The following MEGF10 variants were observed in gnomAD, a reference collection of about 807,000 sequenced individuals.
MEGF10 encodes multiple EGF like domains 10.
Under a neutral mutation model 147.5 loss-of-function variants are expected in MEGF10, and 86 were observed. The observed-to-expected ratio is 0.58, with a 90% CI of 0.49 to 0.70. The LOEUF is 0.70. MEGF10 is among the 30% of genes least tolerant of loss of function. MEGF10 has a pLI of 0.00. For synonymous variants in MEGF10, 478 were observed against 525.5 expected (o/e 0.91, Z 1.24); for missense variants, 1,329 against 1,487.3 (o/e 0.89, Z 1.75).
the MEGF10 span, among the ~76,000 whole-genome samples, chr5:127,281,559 T>G: frequency 6.6e-6 from 1 of 152,148 alleles, no homozygotes; most frequent in South Asian, 2.1e-4. Flanking sequence ...GAATTGTGTG[T>G]ACATTGCTTC....
chr5:127,289,498 C>T (rs1759142334), upstream of MEGF10, among the ~76,000 whole-genome samples: 1 of 152,136 alleles, frequency 6.6e-6, no homozygotes, highest in Non-Finnish European at 1.5e-5. Flanking sequence ...GACCTTCCAC[C>T]CAGACTGCTG....
At chr5:127,354,341 CTGTT>C (rs1762198539) in intron 4 of MEGF10, among the ~76,000 whole-genome samples, 1 of 152,164 alleles carries the variant, frequency 6.6e-6, no homozygotes, top group Non-Finnish European at 1.5e-5. Flanking sequence ...GTCACAATAA[CTGTT>C]TGCCATATAA....
chr5:127,310,755 C>G (rs80318666), intron 1 of MEGF10, among the ~76,000 whole-genome samples: 3,481 of 151,950 alleles, frequency 0.023, 136 homozygotes, highest in African/African-American at 0.077. Flanking sequence ...TTGAAAATAG[C>G]CTCAATCATT....
chr5:127,425,434 C>G (rs1765177804), intron 13 of MEGF10, among the ~76,000 whole-genome samples: 1 of 152,144 alleles, frequency 6.6e-6, no homozygotes, highest in African/African-American at 2.4e-5. Context: ...CTAAGTTGCC[C>G]CAGTGTCTCA....
chr5:127,360,019 C>T (rs537207910), intron 4 of MEGF10, among the ~76,000 whole-genome samples: 4 of 152,128 alleles, frequency 2.6e-5, no homozygotes, highest in South Asian at 2.1e-4. Context: ...GGAGGAGAAT[C>T]GATATCTTAT....
rs1036130197 is a variant in MEGF10, at chr5:127,455,615, C to T, written c.3232+8C>T. The T allele has an allele frequency of 1.9e-6, 3 of 1,612,794 alleles. No homozygotes were observed. In the South Asian group the frequency reaches 3.3e-5, roughly 18 times the overall value. On this transcript the variant is annotated splice_region_variant and intron_variant, in intron 24 of 24. Coordinates refer to ENST00000503335, the MANE Select transcript of MEGF10 (RefSeq NM_001256545.2). The stretch of plus-strand genomic sequence containing the variant: ...GGAATGTCTATGAAGTTGGTGAGTT[C>T]CCTTAACCATAGAAAGAACCGAGTG...
At position 127,457,362 on chromosome 5, in the gene MEGF10, T is replaced by G. The variant is rs1372330273; in HGVS notation, c.*44T>G. On this transcript the variant is annotated 3_prime_UTR_variant, in exon 25 of 25. Coordinates refer to ENST00000503335, the MANE Select transcript of MEGF10 (RefSeq NM_001256545.2). Reference sequence around the variant, plus strand: ...TAGCCACTGGAACCCTTTCCAGAACTGCTGTTTGGTTCTTCTCCATCCTCA... The same window carrying G: ...TAGCCACTGGAACCCTTTCCAGAACGGCTGTTTGGTTCTTCTCCATCCTCA... 6.3e-7 allele frequency: 1 copy of G among 1,575,796 alleles called. No individual in the cohort carries two copies. Among genetic ancestry groups the G allele is most frequent in the Admixed American group, 1.8e-5 (1 of 55,622 alleles).
At chr5:127,439,220 A>G (rs56853109) in intron 17 of MEGF10, among the ~76,000 whole-genome samples, 10,411 of 152,204 alleles carry the variant, frequency 0.068, 1,201 homozygotes, top group African/African-American at 0.24. Flanking sequence ...GCATGATAGG[A>G]TATAGTGTGC....
the MEGF10 span, among the ~76,000 whole-genome samples, chr5:127,246,264 A>G: frequency 6.6e-6 from 1 of 152,218 alleles, no homozygotes; most frequent in African/African-American, 2.4e-5. Flanking sequence ...AACATAGACT[A>G]CTATGCAGCC....
chr5:127,304,929 G>T (rs1759945329), intron 1 of MEGF10, among the ~76,000 whole-genome samples: 1 of 152,136 alleles, frequency 6.6e-6, no homozygotes, highest in African/African-American at 2.4e-5. Flanking sequence ...AGAACCATAA[G>T]AAATAAATTT....
chr5:127,230,392 A>T, the MEGF10 span, among the ~76,000 whole-genome samples: 76,799 of 151,664 alleles, frequency 0.51, 19,907 homozygotes, highest in Middle Eastern at 0.59. Context: ...CATGGCGCTC[A>T]CCCTTTAAAT....
At chr5:127,341,751 C>T (rs1470876506) in intron 4 of MEGF10, among the ~76,000 whole-genome samples, 3 of 152,062 alleles carry the variant, frequency 2.0e-5, no homozygotes, top group African/African-American at 2.4e-5. Flanking sequence ...GAATATTTTT[C>T]CTGGTCAGTA....
the MEGF10 span, among the ~76,000 whole-genome samples, chr5:127,238,471 C>T: frequency 2.0e-5 from 3 of 152,196 alleles, no homozygotes; most frequent in African/African-American, 7.2e-5. Flanking sequence ...TCATTGACAG[C>T]TTGTGGTTGC....
chr5:127,367,139 A>T (rs1762686640), intron 4 of MEGF10, among the ~76,000 whole-genome samples: 1 of 152,224 alleles, frequency 6.6e-6, no homozygotes, highest in Non-Finnish European at 1.5e-5. Context: ...CCAAAGTTTA[A>T]TCTCCAGCTT....
At chr5:127,385,952 T>A (rs965225894) in intron 5 of MEGF10, among the ~76,000 whole-genome samples, 5 of 152,082 alleles carry the variant, frequency 3.3e-5, no homozygotes, top group African/African-American at 1.2e-4. Flanking sequence ...AAAATATTTT[T>A]AAAAAATCAT....
At chr5:127,297,902 T>C (rs1233084101) in intron 1 of MEGF10, among the ~76,000 whole-genome samples, 1 of 152,142 alleles carries the variant, frequency 6.6e-6, no homozygotes, top group Non-Finnish European at 1.5e-5. Context: ...TCAACCACTA[T>C]GGGATTCTTG....
At chr5:127,443,580 C>A (rs1580877733) in intron 19 of MEGF10, among the ~76,000 whole-genome samples, 2 of 152,256 alleles carry the variant, frequency 1.3e-5, no homozygotes, top group East Asian at 3.9e-4. Flanking sequence ...TTTCCTCATG[C>A]CCCTCCCTAC....
At chr5:127,443,151 A>T in intron 19 of MEGF10, 25 bp downstream of exon 19, 1 of 1,605,792 alleles carries the variant, frequency 6.2e-7, no homozygotes, top group Non-Finnish European at 8.5e-7. Flanking sequence ...TAATGTTTGT[A>T]GCACTGCAGT....
chr5:127,402,763 T>A, intron 8 of MEGF10, 81 bp downstream of exon 8: 1 of 1,461,848 alleles, frequency 6.8e-7, no homozygotes, highest in Non-Finnish European at 9.4e-7. Context: ...GCATCTTCAA[T>A]ACCATGTGTC....
Sources: allele counts gnomAD v4.1 joint callset (sites outside exome capture counted in the v4.1 genomes callset), GRCh38; gene constraint gnomAD v4.1.1; transcripts MANE v1.5; gene names NCBI Gene and HGNC (gene_info 2026-07-23, HGNC 2026-07-21).